UNC80: variants seen among roughly 807,000 people sequenced by gnomAD.
UNC80 encodes unc-80 subunit of NALCN channel complex.
A neutral mutation model predicts 384.6 loss-of-function variants in UNC80; 164 were observed. The observed-to-expected ratio is 0.43, with a 90% CI of 0.38 to 0.49. UNC80 has a LOEUF of 0.49. Among genes scored for constraint, UNC80 ranks in the 20% least tolerant of loss-of-function variants. The probability of loss-of-function intolerance (pLI) is 0.00; values close to 1 mark genes in which losing one functional copy is unlikely to be tolerated. For synonymous variants in UNC80, 1,486 were observed against 1,527.8 expected, an observed-to-expected ratio of 0.97 and a Z score of 0.64; for missense variants, 3,330 against 4,143.0, an observed-to-expected ratio of 0.80 and a Z score of 5.39.
rs374686433 is a variant in UNC80, at chr2:209,939,511, T to C, written c.6505T>C (p.Phe2169Leu). The stretch of plus-strand genomic sequence containing the variant: ...GCTGGAAGAAGTAGGGCGGGTGTTG[T>C]TTCTCATCTCCCTAACCCAGAAGAT... The part of the protein sequence containing the change: ...RKLEEVGRVL[F>L]LISLTQKIPT... Residue 2169 changes from phenylalanine to leucine, a missense_variant, in exon 43 of 65, where the codon TTT (phenylalanine) becomes CTT (leucine). Transcript: ENST00000673920. 14 of 1,551,330 alleles carry C rather than the reference T, an allele frequency of 9.0e-6. No homozygotes were observed. In the African/African-American group the frequency reaches 1.5e-4, roughly 17 times the overall value.
chr2:209,815,548 C>A (rs190301888), intron 9 of UNC80, among the ~76,000 whole-genome samples, 157 bp downstream of exon 9: 10 of 152,224 alleles, frequency 6.6e-5, no homozygotes, highest in Middle Eastern at 3.4e-3. Flanking sequence ...TTGCAGCATA[C>A]CCCTGTGCAA....
chr2:209,941,152 T>C (rs1238631955), intron 43 of UNC80, 69 bp from the exon 44 acceptor site: 4 of 1,425,148 alleles, frequency 2.8e-6, no homozygotes, highest in African/African-American at 2.9e-5. Flanking sequence ...GCCTTGGGTT[T>C]GATCACCTCT....
chr2:209,942,976 C>T (rs2091724502), intron 44 of UNC80, among the ~76,000 whole-genome samples: 1 of 152,152 alleles, frequency 6.6e-6, no homozygotes, highest in East Asian at 1.9e-4. Context: ...TTTAGCCTTA[C>T]AGCATTTTTA....
At chr2:209,926,168 C>T (rs2090418506) in intron 35 of UNC80, among the ~76,000 whole-genome samples, 1 of 152,174 alleles carries the variant, frequency 6.6e-6, no homozygotes, top group Admixed American at 6.5e-5. Context: ...CCCCATATTA[C>T]TGCTTACTAT....
intron 60 of UNC80, 123 bp from the exon 61 acceptor site, chr2:209,984,733 T>C: frequency 1.1e-6 from 1 of 911,804 alleles, no homozygotes; most frequent in South Asian, 1.8e-5. Flanking sequence ...TTTTCCTTCC[T>C]TGTTCGGTTA....
At chr2:209,906,873 G>A (rs1217323472) in intron 29 of UNC80, among the ~76,000 whole-genome samples, 1 of 151,758 alleles carries the variant, frequency 6.6e-6, no homozygotes, top group African/African-American at 2.4e-5. Context: ...TTAGCTTTAG[G>A]TTAAAACCAT....
chr2:209,953,529 C>G (rs1345893497), intron 47 of UNC80, among the ~76,000 whole-genome samples: 1 of 151,542 alleles, frequency 6.6e-6, no homozygotes, highest in African/African-American at 2.4e-5. Context: ...ATGTCCCCTT[C>G]AAGGTGTTTC....
At chr2:209,809,716 A>C in intron 7 of UNC80, 1 of 480,350 alleles carries the variant, frequency 2.1e-6, no homozygotes, top group Non-Finnish European at 3.7e-6. Context: ...CCATTTCTGG[A>C]TGCATCAGCC....
chr2:209,772,574 C>T (rs571082564), intron 1 of UNC80, among the ~76,000 whole-genome samples: 2 of 152,196 alleles, frequency 1.3e-5, no homozygotes, highest in South Asian at 4.1e-4. Flanking sequence ...ATCTGCTATG[C>T]CCACTTGTTA....
At chr2:209,825,766 C>T (rs937018644) in intron 13 of UNC80, 141 bp from the exon 14 acceptor site, 7 of 706,200 alleles carry the variant, frequency 9.9e-6, no homozygotes, top group African/African-American at 5.6e-5. Flanking sequence ...TTGTTGAGCC[C>T]GTTACAATTC....
chr2:209,902,450 G>T (rs1306301592), intron 28 of UNC80, among the ~76,000 whole-genome samples: 1 of 152,178 alleles, frequency 6.6e-6, no homozygotes, highest in Non-Finnish European at 1.5e-5. Flanking sequence ...TTTGAAAGAA[G>T]TTCTACTGTG....
In UNC80 at chr2:209,786,980, CAT is replaced by C. The variant is rs60467878; in HGVS notation, c.724+829_724+830del. Among the ~76,000 whole-genome samples, 1,293 of 135,662 alleles carry C rather than the reference CAT, an allele frequency of 9.5e-3. 12 individuals are homozygous for C. Among genetic ancestry groups the C allele is most frequent in the African/African-American group, 0.031 (1,101 of 35,246 alleles). 89.0% of individuals were successfully genotyped at this position (135,662 alleles called of 152,430 possible). On this transcript the variant is annotated intron_variant, in intron 5 of 64. Coordinates refer to ENST00000673920, the MANE Select transcript of UNC80 (RefSeq NM_001371986.1). ...AAATTATGTGGAAAATCTACAGAAG[CAT>C]ATATATATATATATATATATATATA...
rs370144418 is a variant in UNC80 at position 209,834,082 on chromosome 2, C to T, written c.2856C>T (p.Ser952=). The T allele has an allele frequency of 2.0e-5, 31 of 1,551,510 alleles. No homozygotes were observed. Among genetic ancestry groups the T allele is most frequent in the African/African-American group, 1.1e-4 (8 of 73,022 alleles). Residue 952 remains serine, a synonymous_variant, in exon 17 of 65, where the codon AGC becomes AGT. Coordinates refer to ENST00000673920, the MANE Select transcript of UNC80 (RefSeq NM_001371986.1). The part of the protein sequence containing the change: ...HGNVFRRVAL[S]ALLDSAEKLA... ...ATGTCTTCAGGAGAGTGGCCCTCAG[C>T]GCTCTGCTTGACAGTGCCGAGAAGT...
Position 209,839,441 on chromosome 2 carries a change from G to A in UNC80, c.3250+11G>A, listed in dbSNP as rs1236021226. The A allele has an allele frequency of 1.3e-6, 2 of 1,551,810 alleles. No individual in the cohort carries two copies. Among genetic ancestry groups the A allele is most frequent in the African/African-American group, 1.4e-5 (1 of 73,148 alleles). ...TTAAACTCCCCATAGGTAAAAGTAT[G>A]TCTGTATTTGTTTATGGATTATCTT... On this transcript the variant is annotated intron_variant, in intron 19 of 64. Coordinates refer to ENST00000673920, the MANE Select transcript of UNC80 (RefSeq NM_001371986.1). The surrounding 1 kb of genome is among the most constrained non-coding windows in gnomAD (Gnocchi z 4.1).
intron 10 of UNC80, 48 bp from the exon 11 acceptor site, chr2:209,817,764 A>C (rs755285672): frequency 6.5e-7 from 1 of 1,547,920 alleles, no homozygotes; most frequent in Non-Finnish European, 8.7e-7. Context: ...TGGCAGAATA[A>C]CTTTCAGATT....
chr2:209,967,645 T>A lies in UNC80; in HGVS notation c.8006+8T>A, dbSNP rs201106234. The A allele has an allele frequency of 6.4e-7, 1 of 1,550,850 alleles. No homozygotes were observed. The highest frequency in any genetic ancestry group is 1.2e-5 in the South Asian group (1 of 83,976). ...TAAGATGCCTACTTTGAGGTGAGAA[T>A]GCCTCCGAGTTAGCTGTTGCTATCA... On this transcript the variant is annotated splice_region_variant and intron_variant, in intron 52 of 64. Transcript: ENST00000673920.
chr2:209,857,379 A>G (rs1158679440), intron 22 of UNC80, among the ~76,000 whole-genome samples: 1 of 152,184 alleles, frequency 6.6e-6, no homozygotes, highest in African/African-American at 2.4e-5. Flanking sequence ...TAGTTTATCA[A>G]TGTAATCTAT....
chr2:209,772,614 T>TA (rs1358706698), intron 1 of UNC80, among the ~76,000 whole-genome samples: 3 of 152,114 alleles, frequency 2.0e-5, no homozygotes, highest in Admixed American at 6.5e-5. Flanking sequence ...TCTCCCCAGT[T>TA]AAATCTCCTG....
intron 22 of UNC80, among the ~76,000 whole-genome samples, chr2:209,856,938 C>T (rs559777792): frequency 3.1e-4 from 47 of 151,980 alleles, no homozygotes; most frequent in African/African-American, 4.1e-4. Flanking sequence ...TACAGGCACC[C>T]GCCACCATGC....
Sources: allele counts gnomAD v4.1 joint callset (sites outside exome capture counted in the v4.1 genomes callset), GRCh38; gene constraint gnomAD v4.1.1; non-coding constraint Gnocchi (gnomAD v3.1); transcripts MANE v1.5; gene names NCBI Gene and HGNC (gene_info 2026-07-23, HGNC 2026-07-21).